NELFB: variants seen among roughly 807,000 people sequenced by gnomAD.
NELFB encodes negative elongation factor B.
A neutral mutation model predicts 60.2 loss-of-function variants in NELFB; 34 were observed. That is an observed-to-expected ratio of 0.56 (90% CI 0.43 to 0.75). The LOEUF (loss-of-function observed/expected upper bound fraction) is 0.75. Among genes scored for constraint, NELFB ranks in the 30% least tolerant of loss-of-function variants. The pLI is 0.00. For missense variants in NELFB, 770 were observed against 831.6 expected (o/e 0.93, Z 0.91); for synonymous variants, 459 against 382.1 (o/e 1.20, Z -2.35).
Position 137,267,353 on chromosome 9 carries a change from C to A in NELFB, c.1489+7C>A, listed in dbSNP as rs1261561070. On this transcript the variant is annotated splice_region_variant and intron_variant, in intron 10 of 12. Coordinates refer to ENST00000343053, the MANE Select transcript of NELFB (RefSeq NM_015456.5). Reference sequence around the variant, plus strand: ...CGCCTGCTGCCCGGGCTGGGTAAGTCCTGACGGGCGGTGCCTGGCTGTGTC... The same window carrying A: ...CGCCTGCTGCCCGGGCTGGGTAAGTACTGACGGGCGGTGCCTGGCTGTGTC... 1 of 1,598,334 alleles carries A rather than the reference C, an allele frequency of 6.3e-7. No homozygotes were observed. The highest frequency in any genetic ancestry group is 1.1e-5 in the South Asian group (1 of 89,138).
Position 137,255,444 on chromosome 9 carries a change from G to A in NELFB, c.79G>A (p.Ala27Thr). The A allele has an allele frequency of 3.6e-6, 5 of 1,403,964 alleles. No homozygotes were observed. In the South Asian group the frequency reaches 5.8e-5, roughly 16 times the overall value. The allele number at this position is 1,403,964 out of a possible 1,614,324, so 87.0% of individuals were successfully genotyped here. ...GGCGGAGCGGGCTTCTGGGGTGTCT[G>A]CGGCGGCGCCGGGGGAACGGGCTGG... The change falls in exon 1 of 13, where the codon GCG (alanine) becomes ACG (threonine). Residue 27 changes from alanine (A) to threonine (T), a missense_variant. Physicochemically the swap from Ala to Thr is moderately conservative, Grantham distance 58. Transcript: ENST00000343053.
At chr9:137,262,483 T>A (rs1830461153) in intron 4 of NELFB, among the ~76,000 whole-genome samples, 1 of 152,188 alleles carries the variant, frequency 6.6e-6, no homozygotes, top group African/African-American at 2.4e-5. Context: ...TATGGCCTGG[T>A]TTTTCCTAGA....
chr9:137,263,541 C>T (rs1445543851), intron 5 of NELFB, among the ~76,000 whole-genome samples: 1 of 149,420 alleles, frequency 6.7e-6, no homozygotes, highest in Admixed American at 6.7e-5. Context: ...CTCCTCTCCT[C>T]TCCGTGGGTT....
intron 10 of NELFB, among the ~76,000 whole-genome samples, chr9:137,268,043 G>A (rs1202569315): frequency 6.6e-6 from 1 of 152,068 alleles, no homozygotes; most frequent in Non-Finnish European, 1.5e-5. Flanking sequence ...GGGAGGGGTT[G>A]TTGCAAGCCA....
At position 137,265,716 on chromosome 9, in the gene NELFB, C is replaced by T. The variant is rs185950421; in HGVS notation, c.1041-161C>T. Among the ~76,000 whole-genome samples, 5 of 145,064 alleles carry T rather than the reference C, an allele frequency of 3.4e-5. No homozygotes were observed. The East Asian group carries it at 1.1e-3, about 33-fold the overall frequency. On this transcript the variant is annotated intron_variant, in intron 6 of 12. Coordinates refer to ENST00000343053, the MANE Select transcript of NELFB (RefSeq NM_015456.5). ...AAAGTGCTGGGATGACAGGCTGAGC[C>T]GCCGCGCTCGGCCATCCTTAAGCTT...
intron 1 of NELFB, 120 bp downstream of exon 1, chr9:137,255,731 C>T (rs553017539): frequency 2.1e-6 from 3 of 1,424,252 alleles, no homozygotes; most frequent in South Asian, 2.6e-5. Flanking sequence ...GAGTCCTGTT[C>T]TGGGGGTGGA....
chr9:137,272,910 C>A lies in NELFB; in HGVS notation c.1869C>A (p.Pro623=), dbSNP rs1228292324. Residue 623 remains proline (P), a synonymous_variant, in exon 13 of 13, where the codon CCC becomes CCA. Coordinates refer to ENST00000343053, the MANE Select transcript of NELFB (RefSeq NM_015456.5). ...TGGAGCTGCCCCTCCCCAGCGTGCC[C>A]GCCCCTGCCCCGCTCTGAGGGCCCT... 14 of 1,537,790 alleles carry A rather than the reference C, an allele frequency of 9.1e-6. No individual in the cohort carries two copies. The highest frequency in any genetic ancestry group is 1.1e-5 in the Non-Finnish European group (13 of 1,139,822).
Position 137,273,093 on chromosome 9 carries a change from C to T in NELFB, c.*165C>T. The T allele has an allele frequency of 1.4e-6, 1 of 724,848 alleles. No homozygotes were observed. Among genetic ancestry groups the T allele is most frequent in the South Asian group, 2.4e-5 (1 of 42,542 alleles). The allele number at this position is 724,848 out of a possible 1,614,324, so 44.9% of individuals were successfully genotyped here. On this transcript the variant is annotated 3_prime_UTR_variant, in exon 13 of 13. Coordinates refer to ENST00000343053, the MANE Select transcript of NELFB (RefSeq NM_015456.5). ...CCTGCTTCCTGCTCCTTGGAGCTGGCTCCCGGACCTTGCCCACCATCCATG... is the reference window on the plus strand; with the variant it reads ...CCTGCTTCCTGCTCCTTGGAGCTGGTTCCCGGACCTTGCCCACCATCCATG...
chr9:137,270,275 C>T (rs1220600739), intron 10 of NELFB, among the ~76,000 whole-genome samples: 12 of 141,470 alleles, frequency 8.5e-5, no homozygotes, highest in African/African-American at 2.1e-4. Flanking sequence ...AGCCAGACTC[C>T]GTCTCAAAAA....
In NELFB at chr9:137,269,408, C is replaced by T. The variant is rs1288579627; in HGVS notation, c.1489+2062C>T. 2.6e-5 allele frequency among the ~76,000 whole-genome samples: 4 copies of T among 152,098 alleles called. No homozygotes were observed. The highest frequency in any genetic ancestry group is 2.9e-5 in the Non-Finnish European group (2 of 68,020). ...CGTGCTGCCGGCCGCCGGGCAGAGCCGGTTTGTTTATTTTTTGAGACTTCC... is the reference window on the plus strand; with the variant it reads ...CGTGCTGCCGGCCGCCGGGCAGAGCTGGTTTGTTTATTTTTTGAGACTTCC... On this transcript the variant is annotated intron_variant, in intron 10 of 12. Transcript: ENST00000343053. This position sits in a 1 kb window ranked among gnomAD's most constrained non-coding sequence, Gnocchi z 5.3.
rs374511096 is a variant in NELFB at position 137,264,932 on chromosome 9, TG to T, written c.1040+576del. ...TCTGCAGTGGCGTGGGGTCAGCCTCTGAGCTGAGGGGCATCCATTGGCATTT... is the reference window on the plus strand; with the variant it reads ...TCTGCAGTGGCGTGGGGTCAGCCTCTAGCTGAGGGGCATCCATTGGCATTT... On this transcript the variant is annotated intron_variant, in intron 6 of 12. Coordinates refer to ENST00000343053, the MANE Select transcript of NELFB (RefSeq NM_015456.5). Among the ~76,000 whole-genome samples, 10 of 152,220 alleles carry T rather than the reference TG, an allele frequency of 6.6e-5. No individual in the cohort carries two copies. The East Asian group carries it at 1.7e-3, about 26-fold the overall frequency.
intron 7 of NELFB, 52 bp from the exon 8 acceptor site, chr9:137,266,279 A>C: frequency 1.4e-5 from 21 of 1,521,600 alleles, no homozygotes; most frequent in Non-Finnish European, 1.9e-5. Context: ...GAGGAGCTCC[A>C]TGGCCAGGAC....
intron 4 of NELFB, among the ~76,000 whole-genome samples, chr9:137,261,423 C>T (rs1588185922): frequency 6.6e-6 from 1 of 151,134 alleles, no homozygotes; most frequent in Admixed American, 6.6e-5. Context: ...TTTGGGAGGC[C>T]GAGGTGGGTG....
Position 137,272,613 on chromosome 9 carries a change from C to T in NELFB, c.1738C>T (p.Gln580Ter). ...GCAGAAGGCCCTGGAGCCTACAGGC[C>T]AGGTGGGTGCCCGGGGGGGCTGCAT... Residue 580 changes from glutamine to a stop codon, truncating the protein, a stop_gained and splice_region_variant, in exon 12 of 13, where the codon CAG (glutamine) becomes TAG (stop). Transcript: ENST00000343053. LOFTEE classifies it high-confidence loss of function. 1.3e-6 allele frequency: 2 copies of T among 1,592,276 alleles called. No individual in the cohort carries two copies. The highest frequency in any genetic ancestry group is 1.7e-6 in the Non-Finnish European group (2 of 1,169,980).
chr9:137,260,796 C>T lies in NELFB; in HGVS notation c.742-2241C>T, dbSNP rs571307496. On this transcript the variant is annotated intron_variant, in intron 4 of 12. Transcript: ENST00000343053. ...CTAAATTAGGCCGGGTGCGGTGGCT[C>T]ACGCCTGTAATCCCAGCACTTTGGG... Among the ~76,000 whole-genome samples, 6 of 152,170 alleles carry T rather than the reference C, an allele frequency of 3.9e-5. No homozygotes were observed. The South Asian group carries it at 1.2e-3, about 32-fold the overall frequency.
chr9:137,260,697 C>T (rs1190402703), intron 4 of NELFB, among the ~76,000 whole-genome samples: 1 of 152,018 alleles, frequency 6.6e-6, no homozygotes, highest in Non-Finnish European at 1.5e-5. Context: ...AGGTAGTCCA[C>T]CCACCTTGGG....
rs561445501 is a variant in NELFB at position 137,265,946 on chromosome 9, G to T, written c.1110G>T (p.Leu370=). Residue 370 remains leucine, a synonymous_variant, in exon 7 of 13, where the codon CTG becomes CTT. Transcript: ENST00000343053. ...TGGCACTGAGCACAGTCAGGCACCT[G>T]CAGGAGCTGGTCGGCCAGGAGACAC... 4 of 1,613,062 alleles carry T rather than the reference G, an allele frequency of 2.5e-6. No homozygotes were observed. In the South Asian group the frequency reaches 3.3e-5, roughly 13 times the overall value.
At chr9:137,272,284 G>A (rs1830593337) in intron 11 of NELFB, 62 bp downstream of exon 11, 3 of 1,594,900 alleles carry the variant, frequency 1.9e-6, no homozygotes, top group Non-Finnish European at 2.6e-6. Context: ...GTAGCAGCCT[G>A]AGAGGTGGCT....
chr9:137,261,284 G>A (rs1310587914), intron 4 of NELFB, among the ~76,000 whole-genome samples: 4 of 149,330 alleles, frequency 2.7e-5, no homozygotes, highest in African/African-American at 9.9e-5. Context: ...AGCTTGCAGT[G>A]AGCTGAGATC....
Sources: allele counts gnomAD v4.1 joint callset (sites outside exome capture counted in the v4.1 genomes callset), GRCh38; gene constraint gnomAD v4.1.1; non-coding constraint Gnocchi (gnomAD v3.1); transcripts MANE v1.5; gene names NCBI Gene and HGNC (gene_info 2026-07-23, HGNC 2026-07-21).